Variants in ZNF407 observed in about 807,000 individuals in gnomAD.
ZNF407 encodes zinc finger protein 407.
ZNF407 carries 17 observed loss-of-function variants against 131.2 expected under a neutral mutation model. That is an observed-to-expected ratio of 0.13 (90% CI 0.09 to 0.19). The LOEUF is 0.19. Among genes scored for constraint, ZNF407 ranks in the 10% least tolerant of loss-of-function variants. ZNF407 has a pLI of 1.00. For synonymous variants in ZNF407, 1,156 were observed against 1,062.0 expected, an observed-to-expected ratio of 1.09 and a Z score of -1.72; for missense variants, 2,681 against 2,830.6, an observed-to-expected ratio of 0.95 and a Z score of 1.20.
intron 4 of ZNF407, among the ~76,000 whole-genome samples, chr18:74,781,924 A>G (rs1267542734): frequency 6.6e-6 from 1 of 152,216 alleles, no homozygotes; most frequent in Non-Finnish European, 1.5e-5. Flanking sequence ...AAGAAGAAAT[A>G]CATCTTGTGT....
At chr18:74,791,619 G>C (rs867773253) in intron 4 of ZNF407, among the ~76,000 whole-genome samples, 1 of 152,150 alleles carries the variant, frequency 6.6e-6, no homozygotes, top group Non-Finnish European at 1.5e-5. Context: ...CTAGGCCAGG[G>C]TCAGTGTGTA....
intron 3 of ZNF407, among the ~76,000 whole-genome samples, chr18:74,670,074 G>C (rs1022441372): frequency 1.1e-4 from 17 of 152,148 alleles, no homozygotes; most frequent in African/African-American, 3.1e-4. Context: ...TCTGTCCCAG[G>C]ACTACAGTGA....
chr18:74,945,453 A>G (rs1023638711), intron 8 of ZNF407, among the ~76,000 whole-genome samples: 14 of 152,158 alleles, frequency 9.2e-5, no homozygotes, highest in Admixed American at 2.6e-4. Flanking sequence ...TTATTTAGAG[A>G]AAAGACAGAG....
At chr18:74,679,860 AGTGGTTCTTCAT>A (rs1232200541) in intron 3 of ZNF407, among the ~76,000 whole-genome samples, 1 of 152,362 alleles carries the variant, frequency 6.6e-6, no homozygotes, top group South Asian at 2.1e-4. Context: ...TCAGATCATC[AGTGGTTCTTCAT>A]GTGGCATGGC....
chr18:74,916,513 G>A (rs1971767113), intron 7 of ZNF407, among the ~76,000 whole-genome samples: 1 of 109,766 alleles, frequency 9.1e-6, no homozygotes, highest in Non-Finnish European at 1.8e-5. Flanking sequence ...TGTGTGTGCT[G>A]GTATGGTGAG....
chr18:74,988,623 C>T (rs1444508045), intron 8 of ZNF407, among the ~76,000 whole-genome samples: 2 of 151,216 alleles, frequency 1.3e-5, no homozygotes, highest in East Asian at 3.9e-4. Flanking sequence ...ATTCTGTAAC[C>T]CTAAAACTTG....
At position 74,884,211 on chromosome 18, in the gene ZNF407, A is replaced by G. The variant is rs532613099; in HGVS notation, c.5128+3092A>G. Reference sequence around the variant, plus strand: ...CTTAAATTCTTATTTCAAATTTGTGATATTTTCTTTCCAACTTTACAGTCT... The same window carrying G: ...CTTAAATTCTTATTTCAAATTTGTGGTATTTTCTTTCCAACTTTACAGTCT... On this transcript the variant is annotated intron_variant, in intron 6 of 8. Transcript: ENST00000299687. Among the ~76,000 whole-genome samples, 22 of 152,308 alleles carry G rather than the reference A, an allele frequency of 1.4e-4. 1 individual carries two copies. The highest frequency in any genetic ancestry group is 5.1e-4 in the African/African-American group (21 of 41,576).
rs578190394 is a variant in ZNF407 at position 74,975,633 on chromosome 18, A to G, written c.5428+54941A>G. ...TAGGTCTAGGGAAAAAATAGCTCAT[A>G]GAGACCACCATTTCTCTATAGATTA... is the stretch of plus-strand genomic sequence containing the variant. On this transcript the variant is annotated intron_variant, in intron 8 of 8. Transcript: ENST00000299687. Among the ~76,000 whole-genome samples the G allele has an allele frequency of 3.9e-5, 6 of 152,344 alleles. No individual in the cohort carries two copies. In the South Asian group the frequency reaches 1.0e-3, roughly 26 times the overall value.
At chr18:75,017,418 G>A (rs773991426) in intron 8 of ZNF407, among the ~76,000 whole-genome samples, 1 of 152,138 alleles carries the variant, frequency 6.6e-6, no homozygotes, top group Non-Finnish European at 1.5e-5. Flanking sequence ...GACCCTGCCT[G>A]TCTTGTAGGA....
intron 4 of ZNF407, among the ~76,000 whole-genome samples, chr18:74,852,315 A>G (rs1970801114): frequency 6.6e-6 from 1 of 152,318 alleles, no homozygotes; most frequent in African/African-American, 2.4e-5. Flanking sequence ...AAACAGGTAT[A>G]GGAAATATGC....
intron 7 of ZNF407, among the ~76,000 whole-genome samples, chr18:74,906,257 T>A (rs1465873148): frequency 6.6e-6 from 1 of 152,202 alleles, no homozygotes; most frequent in Non-Finnish European, 1.5e-5. Context: ...TCTCCTCTCT[T>A]CCCTGTTTTG....
At chr18:74,763,772 C>G (rs1166400030) in intron 3 of ZNF407, among the ~76,000 whole-genome samples, 2 of 141,390 alleles carry the variant, frequency 1.4e-5, no homozygotes, top group East Asian at 2.1e-4. Context: ...GGCAGTGGCG[C>G]GATCTCGGCT....
intron 8 of ZNF407, among the ~76,000 whole-genome samples, chr18:75,006,335 T>C (rs900688520): frequency 1.3e-5 from 2 of 152,254 alleles, no homozygotes; most frequent in African/African-American, 4.8e-5. Flanking sequence ...TGTTTACTCT[T>C]ATTCTTTTTT....
At chr18:74,734,655 C>T (rs2144903686) in intron 3 of ZNF407, among the ~76,000 whole-genome samples, 1 of 148,368 alleles carries the variant, frequency 6.7e-6, no homozygotes, top group African/African-American at 2.5e-5. Flanking sequence ...AAAATTATAC[C>T]ATTTTGAGTT....
intron 7 of ZNF407, among the ~76,000 whole-genome samples, chr18:74,909,124 A>AAG (rs1491419144): frequency 2.4e-3 from 2 of 822 alleles, no homozygotes; most frequent in Non-Finnish European, 0.12. Flanking sequence ...TAAACAGGCC[A>AAG]AAAAAAAAAG....
chr18:74,847,774 T>C (rs1232987073), intron 4 of ZNF407, among the ~76,000 whole-genome samples: 3 of 152,040 alleles, frequency 2.0e-5, no homozygotes, highest in Non-Finnish European at 4.4e-5. Flanking sequence ...CAATCTGATA[T>C]CTCTTCCTTT....
At chr18:75,003,199 G>A (rs1972868433) in intron 8 of ZNF407, among the ~76,000 whole-genome samples, 2 of 152,218 alleles carry the variant, frequency 1.3e-5, no homozygotes, top group South Asian at 4.1e-4. Flanking sequence ...TATTTCTCAT[G>A]TTGAAGGAGT....
chr18:74,965,074 C>T (rs975036647), intron 8 of ZNF407, among the ~76,000 whole-genome samples: 3 of 152,112 alleles, frequency 2.0e-5, no homozygotes, highest in Admixed American at 6.5e-5. Context: ...GTATTTATGG[C>T]ATACCTGAGA....
intron 4 of ZNF407, among the ~76,000 whole-genome samples, chr18:74,863,197 A>C (rs1478810263): frequency 6.6e-6 from 1 of 151,782 alleles, no homozygotes; most frequent in East Asian, 2.0e-4. Flanking sequence ...CTGGGATTAC[A>C]GGTGTGAGCC....
Sources: gnomAD v4.1 joint callset for allele counts (sites outside exome capture counted in the v4.1 genomes callset) on GRCh38, gnomAD v4.1.1 for gene constraint, MANE v1.5 for transcripts, NCBI Gene and HGNC (gene_info 2026-07-23, HGNC 2026-07-21) for gene names.